The following CSMD1 variants were observed in gnomAD, a reference collection of about 807,000 sequenced individuals.
CSMD1 encodes the protein CUB and Sushi multiple domains 1.
In CSMD1, 213 loss-of-function variants were observed where a neutral mutation model predicts 417.5. The ratio of observed to expected loss-of-function variants is 0.51; its 90% CI spans 0.46 to 0.57. CSMD1 has a LOEUF of 0.57. CSMD1 is among the 20% of genes least tolerant of loss of function. CSMD1 has a pLI of 0.00. For synonymous variants in CSMD1, 2,862 were observed against 1,736.8 expected, an observed-to-expected ratio of 1.65 and a Z score of -16.11; for missense variants, 6,923 against 4,529.7, an observed-to-expected ratio of 1.53 and a Z score of -15.17.
At chr8:4,486,077 C>A (rs1045165550) in intron 2 of CSMD1, among the ~76,000 whole-genome samples, 2 of 148,436 alleles carry the variant, frequency 1.3e-5, no homozygotes, top group African/African-American at 2.5e-5. Context: ...AATTAAATTT[C>A]TCTTTCTCTT....
At chr8:4,060,346 G>GATATCCAGTTTCCA (rs1798907901) in intron 3 of CSMD1, among the ~76,000 whole-genome samples, 1 of 152,148 alleles carries the variant, frequency 6.6e-6, no homozygotes, top group African/African-American at 2.4e-5. Context: ...CATACTGAAT[G>GATATCCAGTTTCCA]GGCCAAAACT....
chr8:4,254,036 C>T (rs992354125), intron 3 of CSMD1, among the ~76,000 whole-genome samples: 1 of 150,456 alleles, frequency 6.6e-6, no homozygotes, highest in Non-Finnish European at 1.5e-5. Flanking sequence ...CCCGCCTCAG[C>T]CTCCCAAGTA....
Position 3,708,474 on chromosome 8 carries a change from A to G in CSMD1, c.949T>C (p.Leu317=). 2 of 1,613,876 alleles carry G rather than the reference A, an allele frequency of 1.2e-6. No individual in the cohort carries two copies. The highest frequency in any genetic ancestry group is 1.1e-5 in the South Asian group (1 of 91,080). Residue 317 remains leucine, a synonymous_variant, in exon 7 of 70, where the codon TTG becomes CTG. Coordinates refer to ENST00000635120, the MANE Select transcript of CSMD1 (RefSeq NM_033225.6). ...AQFQVKKAIE[L]KSRGVKMLPS... ...AGCATCTTGACTCCTCTTGACTTCA[A>G]CTCAATCGCCTTTTTCACTGGAAGA...
In CSMD1 at chr8:3,409,508, G is replaced by T; in HGVS notation, c.1659C>A (p.Cys553Ter). ...CCCCCACCAGCTCAAAGGCCGCCGG[G>T]CATTCAAAGGTGAGTGTATCTCCAT... ...FLHGDTLTFECPAAFELVGER... is the reference protein window; with the variant it reads ...FLHGDTLTFE Residue 553 changes from cysteine (C) to a stop codon, truncating the protein, a stop_gained, in exon 13 of 70, where the codon TGC becomes TGA. Coordinates refer to ENST00000635120, the MANE Select transcript of CSMD1 (RefSeq NM_033225.6). LOFTEE classifies it high-confidence loss of function. The T allele has an allele frequency of 6.2e-7, 1 of 1,611,016 alleles. No individual in the cohort carries two copies. Among genetic ancestry groups the T allele is most frequent in the Non-Finnish European group, 8.5e-7 (1 of 1,178,728 alleles).
At chr8:4,161,764 A>G (rs763949295) in intron 3 of CSMD1, among the ~76,000 whole-genome samples, 1 of 152,178 alleles carries the variant, frequency 6.6e-6, no homozygotes, top group African/African-American at 2.4e-5. Flanking sequence ...GTTTCAAGGA[A>G]TCAGATATTT....
intron 3 of CSMD1, among the ~76,000 whole-genome samples, chr8:4,136,972 T>C (rs1803480410): frequency 6.6e-6 from 1 of 152,204 alleles, no homozygotes; most frequent in African/African-American, 2.4e-5. Context: ...CCTATATCAA[T>C]GAAACAAATA....
intron 18 of CSMD1, among the ~76,000 whole-genome samples, chr8:3,382,696 G>C (rs1810714524): frequency 1.3e-5 from 2 of 149,958 alleles, no homozygotes; most frequent in South Asian, 4.2e-4. Flanking sequence ...TAGATCTGTT[G>C]GCTTATTAGT....
At chr8:4,077,307 A>ATATATGTGTATATATG (rs1554439913) in intron 3 of CSMD1, among the ~76,000 whole-genome samples, 1 of 141,516 alleles carries the variant, frequency 7.1e-6, no homozygotes, top group African/African-American at 2.7e-5. Flanking sequence ...GTATATATAT[A>ATATATGTGTATATATG]TATATATATA....
At chr8:4,610,010 C>T (rs1563331946) in intron 2 of CSMD1, among the ~76,000 whole-genome samples, 2 of 151,330 alleles carry the variant, frequency 1.3e-5, no homozygotes, top group South Asian at 4.2e-4. Flanking sequence ...ATGACCATTG[C>T]TTTGTGTCAG....
intron 4 of CSMD1, among the ~76,000 whole-genome samples, chr8:4,016,757 C>G (rs548900978): frequency 6.6e-6 from 1 of 152,294 alleles, no homozygotes; most frequent in African/African-American, 2.4e-5. Context: ...GTTAAGGGCT[C>G]TGTTGACCTA....
At chr8:4,309,788 C>T (rs537333759) in intron 3 of CSMD1, among the ~76,000 whole-genome samples, 66 of 152,082 alleles carry the variant, frequency 4.3e-4, no homozygotes, top group Non-Finnish European at 8.1e-4. Flanking sequence ...AGCATAGAAA[C>T]CTCACCTCCA....
intron 5 of CSMD1, among the ~76,000 whole-genome samples, chr8:3,787,061 G>A (rs576990562): frequency 6.6e-6 from 1 of 152,138 alleles, no homozygotes. Flanking sequence ...TATTTATTCT[G>A]AGTTTAGAGT....
At chr8:4,333,140 T>C (rs1244355649) in intron 3 of CSMD1, among the ~76,000 whole-genome samples, 2 of 152,120 alleles carry the variant, frequency 1.3e-5, no homozygotes, top group East Asian at 3.9e-4. Flanking sequence ...CAGCAACACC[T>C]GATTGAACAT....
Position 4,218,588 on chromosome 8 carries a change from T to C in CSMD1, c.416-186489A>G, listed in dbSNP as rs571546945. Among the ~76,000 whole-genome samples the C allele has an allele frequency of 4.6e-5, 7 of 152,338 alleles. No individual in the cohort carries two copies. The South Asian group carries it at 1.4e-3, about 32-fold the overall frequency. On this transcript the variant is annotated intron_variant, in intron 3 of 69. Transcript: ENST00000635120. ...CTATGTTCTCTGTAATAATGATTAA[T>C]TTTACAGTTGCTTAATTTCAATAAA...
chr8:3,270,046 CTTT>C (rs200994813), intron 26 of CSMD1, among the ~76,000 whole-genome samples: 5 of 118,384 alleles, frequency 4.2e-5, no homozygotes, highest in Non-Finnish European at 8.6e-5. Context: ...CTAACCTCTT[CTTT>C]TTTTTTTTTT....
intron 49 of CSMD1, among the ~76,000 whole-genome samples, chr8:3,077,313 A>G (rs1183943644): frequency 1.3e-5 from 2 of 152,200 alleles, no homozygotes; most frequent in Non-Finnish European, 2.9e-5. Context: ...AGGTCCCCCC[A>G]AGACACAGCA....
intron 1 of CSMD1, among the ~76,000 whole-genome samples, chr8:4,753,206 C>A (rs1811449936): frequency 6.6e-6 from 1 of 151,940 alleles, no homozygotes; most frequent in South Asian, 2.1e-4. Flanking sequence ...GGCCCGGGTC[C>A]CCATGATGAG....
At chr8:3,109,458 C>G (rs1192071780) in intron 43 of CSMD1, among the ~76,000 whole-genome samples, 1 of 152,174 alleles carries the variant, frequency 6.6e-6, no homozygotes, top group Non-Finnish European at 1.5e-5. Context: ...TCCACTGACT[C>G]TGGTCGTTGT....
chr8:2,971,629 A>G (rs1457383733), intron 57 of CSMD1, among the ~76,000 whole-genome samples: 1 of 152,196 alleles, frequency 6.6e-6, no homozygotes, highest in African/African-American at 2.4e-5. Context: ...GTACTATATG[A>G]AAGAGTAGAA....
Sources: gnomAD v4.1 joint callset for allele counts (sites outside exome capture counted in the v4.1 genomes callset) on GRCh38, gnomAD v4.1.1 for gene constraint, MANE v1.5 for transcripts, NCBI Gene and HGNC (gene_info 2026-07-23, HGNC 2026-07-21) for gene names.